IRAK3: variants seen among roughly 807,000 people sequenced by gnomAD.
IRAK3 encodes the protein interleukin-1 receptor-associated kinase 3.
IRAK3 carries 57 observed loss-of-function variants against 56.6 expected under a neutral mutation model. That is an observed-to-expected ratio of 1.01 (90% confidence interval 0.81 to 1.26). IRAK3 has a LOEUF of 1.26. IRAK3 is among the 50% of genes most tolerant of loss of function. The pLI is 0.00. For synonymous variants in IRAK3, 258 were observed against 255.7 expected, an observed-to-expected ratio of 1.01 and a Z score of -0.09; for missense variants, 703 against 719.0, an observed-to-expected ratio of 0.98 and a Z score of 0.25.
At chr12:66,230,925 A>T (rs1383114606) in intron 8 of IRAK3, among the ~76,000 whole-genome samples, 2 of 152,178 alleles carry the variant, frequency 1.3e-5, no homozygotes, top group African/African-American at 4.8e-5. Context: ...AAATTGCTTA[A>T]TGTCTCTAAG....
intron 8 of IRAK3, among the ~76,000 whole-genome samples, chr12:66,231,555 T>A (rs987445381): frequency 6.6e-6 from 1 of 152,220 alleles, no homozygotes; most frequent in African/African-American, 2.4e-5. Context: ...ATGGTAACTA[T>A]GCCCACTGAG....
At chr12:66,209,668 T>C (rs1049585314) in intron 3 of IRAK3, 148 bp downstream of exon 3, 6 of 673,742 alleles carry the variant, frequency 8.9e-6, no homozygotes, top group Non-Finnish European at 1.3e-5. Context: ...TTATTCTCTA[T>C]TTAGTTGAGG....
chr12:66,233,242 G>T (rs1256481797), intron 8 of IRAK3, among the ~76,000 whole-genome samples: 1 of 152,180 alleles, frequency 6.6e-6, no homozygotes. Flanking sequence ...AGACAGGCCG[G>T]GCGCGGTGGC....
At chr12:66,241,570 T>C (rs1452932202) in intron 8 of IRAK3, among the ~76,000 whole-genome samples, 1 of 152,224 alleles carries the variant, frequency 6.6e-6, no homozygotes, top group Non-Finnish European at 1.5e-5. Context: ...GAAGGGCCTT[T>C]TGCAATTTCC....
At chr12:66,235,177 G>A in intron 8 of IRAK3, 2 of 1,613,748 alleles carry the variant, frequency 1.2e-6, no homozygotes, top group Non-Finnish European at 1.7e-6. Flanking sequence ...TGGTGGTGCT[G>A]GGACTGGGAG....
At position 66,245,277 on chromosome 12, in the gene IRAK3, G is replaced by A; in HGVS notation, c.1314+15G>A. ...CAATGGATGAAGTGAGTATATACAT[G>A]GTTTTATTCAAAACTGAGCCCACAG... On this transcript the variant is annotated intron_variant, in intron 11 of 11. Coordinates refer to ENST00000261233, the MANE Select transcript of IRAK3 (RefSeq NM_007199.3). 2 of 1,613,456 alleles carry A rather than the reference G, an allele frequency of 1.2e-6. No homozygotes were observed. The highest frequency in any genetic ancestry group is 8.5e-7 in the Non-Finnish European group (1 of 1,179,590).
chr12:66,239,893 A>G (rs755882136), intron 8 of IRAK3, among the ~76,000 whole-genome samples: 10 of 152,102 alleles, frequency 6.6e-5, no homozygotes, highest in Non-Finnish European at 1.5e-4. Context: ...CTGTCTCTCC[A>G]TTGTCTTAAA....
Position 66,244,640 on chromosome 12 carries a change from C to A in IRAK3, c.1042C>A (p.Gln348Lys). The change falls in exon 9 of 12, where the codon CAG becomes AAG. Residue 348 changes from glutamine (Q) to lysine (K), a missense_variant. Coordinates refer to ENST00000261233, the MANE Select transcript of IRAK3 (RefSeq NM_007199.3). ...LWYMPEEYIRQGKLSIKTDVY... is the reference protein window; with the variant it reads ...LWYMPEEYIRKGKLSIKTDVY... ...GTACATGCCAGAAGAGTACATCAGA[C>A]AGGGGAAACTTTCCATTAAAACAGA... 1 of 1,613,934 alleles carries A rather than the reference C, an allele frequency of 6.2e-7. No homozygotes were observed. The highest frequency in any genetic ancestry group is 8.5e-7 in the Non-Finnish European group (1 of 1,179,922).
chr12:66,219,739 C>T (rs1173709130), intron 6 of IRAK3, among the ~76,000 whole-genome samples: 1 of 152,168 alleles, frequency 6.6e-6, no homozygotes, highest in Non-Finnish European at 1.5e-5. Flanking sequence ...TGATAATAGC[C>T]ATCCTAATAA....
intron 6 of IRAK3, among the ~76,000 whole-genome samples, chr12:66,222,134 G>T (rs917264826): frequency 6.6e-6 from 1 of 152,128 alleles, no homozygotes; most frequent in Non-Finnish European, 1.5e-5. Context: ...GGCATATAAC[G>T]TTTTCTCATT....
intron 5 of IRAK3, among the ~76,000 whole-genome samples, chr12:66,216,322 A>C (rs904046668): frequency 6.6e-6 from 1 of 152,186 alleles, no homozygotes; most frequent in African/African-American, 2.4e-5. Flanking sequence ...GGTCCTTGAA[A>C]ATGATTTTTT....
intron 8 of IRAK3, chr12:66,235,334 C>G: frequency 9.3e-7 from 1 of 1,075,336 alleles, no homozygotes; most frequent in South Asian, 4.1e-5. Flanking sequence ...AGCCTGGGCG[C>G]GGGGCAGCCT....
chr12:66,214,902 G>A (rs1312576060), intron 5 of IRAK3, among the ~76,000 whole-genome samples: 1 of 152,158 alleles, frequency 6.6e-6, no homozygotes, highest in Non-Finnish European at 1.5e-5. Flanking sequence ...AGGTGAAGTG[G>A]ACCACATCTG....
At chr12:66,212,453 A>G (rs950375668) in intron 5 of IRAK3, among the ~76,000 whole-genome samples, 3 of 152,154 alleles carry the variant, frequency 2.0e-5, no homozygotes, top group African/African-American at 7.2e-5. Context: ...ACAAACACAG[A>G]AGAGCTGCTC....
chr12:66,220,053 T>A (rs776453484), intron 6 of IRAK3, among the ~76,000 whole-genome samples: 2 of 152,208 alleles, frequency 1.3e-5, no homozygotes, highest in Non-Finnish European at 2.9e-5. Flanking sequence ...TTTAGTTTGA[T>A]ATAGTTCCAC....
intron 1 of IRAK3, among the ~76,000 whole-genome samples, chr12:66,190,759 A>T (rs1308585369): frequency 6.6e-6 from 1 of 152,182 alleles, no homozygotes; most frequent in African/African-American, 2.4e-5. Flanking sequence ...ACTGGTACAA[A>T]TTGGTTAAGT....
In IRAK3 at chr12:66,244,663, A is replaced by G. The variant is rs751210747; in HGVS notation, c.1065A>G (p.Thr355=). 1.2e-6 allele frequency: 2 copies of G among 1,613,872 alleles called. No homozygotes were observed. The highest frequency in any genetic ancestry group is 2.2e-5 in the South Asian group (2 of 91,088). The part of the protein sequence containing the change: ...YIRQGKLSIK[T]DVYSFGIVIM... The stretch of plus-strand genomic sequence containing the variant: ...GACAGGGGAAACTTTCCATTAAAAC[A>G]GATGTCTACAGCTTTGGAATTGTGA... Residue 355 remains threonine, a synonymous_variant, in exon 9 of 12, where the codon ACA becomes ACG. Coordinates refer to ENST00000261233, the MANE Select transcript of IRAK3 (RefSeq NM_007199.3).
chr12:66,210,045 G>T (rs1307987199), intron 3 of IRAK3, 102 bp from the exon 4 acceptor site: 1 of 762,266 alleles, frequency 1.3e-6, no homozygotes, highest in African/African-American at 1.7e-5. Context: ...GTTGCACTCT[G>T]TTGCACTGCA....
chr12:66,237,501 A>G (rs1432798053), intron 8 of IRAK3, among the ~76,000 whole-genome samples: 1 of 152,232 alleles, frequency 6.6e-6, no homozygotes, highest in African/African-American at 2.4e-5. Context: ...TTAGTCTTTC[A>G]TGAGTAGCTG....
Sources: allele counts gnomAD v4.1 joint callset (sites outside exome capture counted in the v4.1 genomes callset), GRCh38; gene constraint gnomAD v4.1.1; transcripts MANE v1.5; gene names NCBI Gene and HGNC (gene_info 2026-07-23, HGNC 2026-07-21).